CCDC180: variants seen among roughly 807,000 people sequenced by gnomAD.
CCDC180 encodes coiled-coil domain containing 180.
In CCDC180, 154 loss-of-function variants were observed where a neutral mutation model predicts 209.2. The observed-to-expected ratio is 0.74, with a 90% confidence interval of 0.65 to 0.84. The LOEUF (loss-of-function observed/expected upper bound fraction) is 0.84. CCDC180 is among the 40% of genes least tolerant of loss of function. CCDC180 has a pLI of 0.00. For synonymous variants in CCDC180, 778 were observed against 749.1 expected, an observed-to-expected ratio of 1.04 and a Z score of -0.63; for missense variants, 1,874 against 1,997.3, an observed-to-expected ratio of 0.94 and a Z score of 1.18.
intron 35 of CCDC180, 65 bp from the exon 36 acceptor site, chr9:97,375,389 G>A: frequency 6.2e-7 from 1 of 1,602,206 alleles, no homozygotes; most frequent in Non-Finnish European, 8.5e-7. Context: ...TTCCAACAGG[G>A]TTGGTAGGTG....
chr9:97,361,672 C>T (rs1826755885), intron 26 of CCDC180, 54 bp from the exon 27 acceptor site: 7 of 1,575,204 alleles, frequency 4.4e-6, no homozygotes, highest in South Asian at 1.2e-5. Context: ...CCTGCTGCCT[C>T]GCTGGCACCT....
At chr9:97,347,054 T>C (rs1002092306) in intron 19 of CCDC180, among the ~76,000 whole-genome samples, 1 of 152,214 alleles carries the variant, frequency 6.6e-6, no homozygotes, top group Non-Finnish European at 1.5e-5. Flanking sequence ...AAACCACAAA[T>C]GTATTTTAAC....
chr9:97,309,306 TG>T, intron 2 of CCDC180, 107 bp from the exon 3 acceptor site: 4 of 1,116,888 alleles, frequency 3.6e-6, no homozygotes, highest in Non-Finnish European at 5.1e-6. Context: ...AGTACCTTCC[TG>T]GGGGCAGCTC....
chr9:97,349,254 A>G lies in CCDC180; in HGVS notation c.2818A>G (p.Met940Val), dbSNP rs977359042. 2.1e-5 allele frequency: 33 copies of G among 1,536,696 alleles called. No individual in the cohort carries two copies. The African/African-American group carries it at 4.2e-4, about 20-fold the overall frequency. Reference protein sequence around the residue: ...SKNFRLKIYDMEHIFLNATRS... With the variant: ...SKNFRLKIYDVEHIFLNATRS... ...AAACTTCCGCCTTAAGATCTATGAC[A>G]TGGAGCACATCTTCTTGAATGCCAC... Residue 940 changes from methionine (M) to valine (V), a missense_variant, in exon 21 of 37, where the codon ATG (methionine) becomes GTG (valine). By Grantham distance (21) the Met-to-Val change is conservative (BLOSUM62 1). Transcript: ENST00000529487.
At position 97,357,671 on chromosome 9, in the gene CCDC180, G is replaced by A; in HGVS notation, c.3309G>A (p.Leu1103=). ...NSQTNGLNFS[L]QQLQNKIKTC... is the part of the protein sequence containing the mutation. The stretch of plus-strand genomic sequence containing the variant: ...AAACAAATGGATTAAATTTCTCTCT[G>A]CAACAGCTTCAGAACAAGATAAAAA... The change falls in exon 25 of 37, where the codon CTG becomes CTA. Residue 1103 remains leucine, a synonymous_variant. Coordinates refer to ENST00000529487, the MANE Select transcript of CCDC180 (RefSeq NM_020893.6). The A allele has an allele frequency of 3.1e-6, 5 of 1,613,454 alleles. No homozygotes were observed. Among genetic ancestry groups the A allele is most frequent in the Non-Finnish European group, 4.2e-6 (5 of 1,179,848 alleles).
intron 2 of CCDC180, among the ~76,000 whole-genome samples, chr9:97,308,571 C>CTAGG (rs1458054265): frequency 6.6e-6 from 1 of 152,194 alleles, no homozygotes; most frequent in Non-Finnish European, 1.5e-5. Context: ...ACTTGTTGAC[C>CTAGG]TAGGACTCCC....
intron 4 of CCDC180, among the ~76,000 whole-genome samples, chr9:97,312,986 T>A (rs548367142): frequency 6.6e-6 from 1 of 152,310 alleles, no homozygotes; most frequent in South Asian, 2.1e-4. Context: ...AGAACTTTTT[T>A]TAAAAAAACA....
intron 5 of CCDC180, 33 bp downstream of exon 5, chr9:97,313,378 C>A: frequency 1.3e-6 from 2 of 1,493,430 alleles, no homozygotes; most frequent in Non-Finnish European, 1.9e-6. Flanking sequence ...CTCTTCCCTT[C>A]CTGTGCCATT....
intron 31 of CCDC180, among the ~76,000 whole-genome samples, chr9:97,368,292 T>C (rs1422986954): frequency 6.6e-6 from 1 of 152,216 alleles, no homozygotes; most frequent in African/African-American, 2.4e-5. Context: ...GTAACCCTGG[T>C]TATTGCCCTA....
chr9:97,325,918 G>T (rs149650994), intron 14 of CCDC180, among the ~76,000 whole-genome samples: 3 of 152,172 alleles, frequency 2.0e-5, no homozygotes, highest in Non-Finnish European at 4.4e-5. Context: ...ACTCACATAT[G>T]GGGGGCTGTT....
intron 9 of CCDC180, 51 bp from the exon 10 acceptor site, chr9:97,318,412 C>G: frequency 1.9e-6 from 3 of 1,603,626 alleles, no homozygotes; most frequent in Non-Finnish European, 2.6e-6. Context: ...TCTCTCACTC[C>G]TGCCCTGCTC....
Position 97,354,556 on chromosome 9 carries a change from TGATTATTTTCA to T in CCDC180, c.3003-8_3005del, listed in dbSNP as rs779602510. 14 of 1,613,782 alleles carry T rather than the reference TGATTATTTTCA, an allele frequency of 8.7e-6. No individual in the cohort carries two copies. The highest frequency in any genetic ancestry group is 1.0e-5 in the Non-Finnish European group (12 of 1,179,808). ...CTGATCTGTGGCTTTTATTTGTCTT[TGATTATTTTCA>T]GATTGTTTTCAGAGGGAGGCAACTT... On this transcript the variant is annotated splice_acceptor_variant and splice_polypyrimidine_tract_variant and intron_variant, in intron 22 of 36. Transcript: ENST00000529487. LOFTEE classifies it high-confidence loss of function.
Position 97,357,627 on chromosome 9 carries a change from G to A in CCDC180, c.3265G>A (p.Val1089Met). 6.2e-7 allele frequency: 1 copy of A among 1,609,608 alleles called. No individual in the cohort carries two copies. Among genetic ancestry groups the A allele is most frequent in the Non-Finnish European group, 8.5e-7 (1 of 1,177,816 alleles). ...TNLQVKIKCQ[V>M]AKSNSQTNGL... Reference sequence around the variant, plus strand: ...AATCTCGGAACCTCTGGTTTTCTAGGTGGCAAAATCCAATTCGCAAACAAA... The same window carrying A: ...AATCTCGGAACCTCTGGTTTTCTAGATGGCAAAATCCAATTCGCAAACAAA... Residue 1089 changes from valine (V) to methionine (M), a missense_variant and splice_region_variant, in exon 25 of 37, where the codon GTG becomes ATG. Transcript: ENST00000529487.
intron 18 of CCDC180, among the ~76,000 whole-genome samples, chr9:97,339,759 G>C (rs1413831543): frequency 6.6e-6 from 1 of 152,184 alleles, no homozygotes. Context: ...GTGTTTTCCA[G>C]CTTGGTTCCA....
rs1564173740 is a variant in CCDC180, at chr9:97,362,436, AG to A, written c.3899del (p.Gly1300AlafsTer35). 6.2e-7 allele frequency: 1 copy of A among 1,613,416 alleles called. No individual in the cohort carries two copies. Among genetic ancestry groups the A allele is most frequent in the East Asian group, 2.2e-5 (1 of 44,874 alleles). Reference sequence around the variant, plus strand: ...TACCCAGTGCCAGTGCTACCTCTGCAGGCAGGTAGGACACAAAGCAGCCAGA... The same window carrying A: ...TACCCAGTGCCAGTGCTACCTCTGCAGCAGGTAGGACACAAAGCAGCCAGA... Reference protein sequence around the residue: ...AVPSASATSAGSFTPHPKPNK... With the variant: ...AVPSASATSAXSFTPHPKPNK... On this transcript the variant is annotated frameshift_variant, in exon 28 of 37. Transcript: ENST00000529487. LOFTEE classifies it high-confidence loss of function.
At chr9:97,313,866 C>A (rs2118546553) in intron 5 of CCDC180, among the ~76,000 whole-genome samples, 1 of 152,354 alleles carries the variant, frequency 6.6e-6, no homozygotes, top group South Asian at 2.1e-4. Flanking sequence ...TTGCCCTGAG[C>A]CCCAGATTTC....
intron 19 of CCDC180, 112 bp downstream of exon 19, chr9:97,343,675 A>C (rs1826160666): frequency 3.6e-6 from 3 of 833,592 alleles, no homozygotes; most frequent in Non-Finnish European, 3.6e-6. Context: ...AAAGAAAAAA[A>C]TGTAGGTAAC....
Position 97,310,493 on chromosome 9 carries a change from G to A in CCDC180, c.260+889G>A, listed in dbSNP as rs1046393732. On this transcript the variant is annotated intron_variant, in intron 3 of 36. Transcript: ENST00000529487. The stretch of plus-strand genomic sequence containing the variant: ...GTTCCTAAGCATGCCATTTCAGTTC[G>A]CTGAGCTCTGACTGTCAGCTATGGG... 1.5e-4 allele frequency among the ~76,000 whole-genome samples: 23 copies of A among 152,224 alleles called. No homozygotes were observed. In the East Asian group the frequency reaches 3.9e-3, roughly 26 times the overall value.
At position 97,343,415 on chromosome 9, in the gene CCDC180, A is replaced by C. The variant is rs1333533025; in HGVS notation, c.2350A>C (p.Thr784Pro). 1.2e-6 allele frequency: 2 copies of C among 1,613,926 alleles called. No individual in the cohort carries two copies. The highest frequency in any genetic ancestry group is 2.7e-5 in the African/African-American group (2 of 74,938). Residue 784 changes from threonine (T) to proline (P), a missense_variant, in exon 19 of 37, where the codon ACT becomes CCT. Coordinates refer to ENST00000529487, the MANE Select transcript of CCDC180 (RefSeq NM_020893.6). ...MESFTISSGN[T>P]YFVFVPLEEE... is the part of the protein sequence containing the mutation. ...GTCCTTCACAATCTCCAGTGGAAAC[A>C]CTTATTTTGTCTTTGTACCCCTGGA... is the stretch of plus-strand genomic sequence containing the variant.
Sources: allele counts gnomAD v4.1 joint callset (sites outside exome capture counted in the v4.1 genomes callset), GRCh38; gene constraint gnomAD v4.1.1; transcripts MANE v1.5; gene names NCBI Gene and HGNC (gene_info 2026-07-23, HGNC 2026-07-21).